The following ST3GAL1 variants were observed in gnomAD, a reference collection of about 807,000 sequenced individuals.
ST3GAL1 encodes ST3 beta-galactoside alpha-2,3-sialyltransferase 1.
ST3GAL1 carries 16 observed loss-of-function variants against 34.1 expected under a neutral mutation model. That is an observed-to-expected ratio of 0.47 (90% CI 0.32 to 0.71). The LOEUF (loss-of-function observed/expected upper bound fraction) is 0.71, where lower values mean the gene tolerates loss of function less well. Ranked by LOEUF, ST3GAL1 falls within the 30% of genes least tolerant of loss-of-function variation. The pLI is 0.04. For synonymous variants in ST3GAL1, 191 were observed against 184.7 expected (o/e 1.03, Z -0.28); for missense variants, 353 against 447.4 (o/e 0.79, Z 1.90).
intron 2 of ST3GAL1, among the ~76,000 whole-genome samples, chr8:133,519,478 A>T (rs1381037986): frequency 6.6e-6 from 1 of 152,238 alleles, no homozygotes; most frequent in Non-Finnish European, 1.5e-5. Flanking sequence ...TATGTATGTT[A>T]AAGGAAGATA....
At chr8:133,544,698 A>T (rs116872602) in intron 2 of ST3GAL1, among the ~76,000 whole-genome samples, 2,592 of 152,288 alleles carry the variant, frequency 0.017, 29 homozygotes, top group Non-Finnish European at 0.025. Context: ...TACTTGCATA[A>T]ATAAAACTAA....
rs116261329 is a variant in ST3GAL1 at position 133,523,453 on chromosome 8, T to A, written c.-429+22321A>T. Reference sequence around the variant, plus strand: ...CCTCAGGCAAGTAACTCAACCTCCCTGTGCCTTCATTTCCTCCTCTGTAAA... The same window carrying A: ...CCTCAGGCAAGTAACTCAACCTCCCAGTGCCTTCATTTCCTCCTCTGTAAA... On this transcript the variant is annotated intron_variant, in intron 2 of 9. Transcript: ENST00000522652. Among the ~76,000 whole-genome samples, 1,190 of 152,294 alleles carry A rather than the reference T, an allele frequency of 7.8e-3. 14 individuals carry two copies. Among genetic ancestry groups the A allele is most frequent in the African/African-American group, 0.026 (1,060 of 41,568 alleles).
At chr8:133,499,959 C>T (rs1715303119) in intron 2 of ST3GAL1, among the ~76,000 whole-genome samples, 1 of 152,168 alleles carries the variant, frequency 6.6e-6, no homozygotes, top group Admixed American at 6.5e-5. Context: ...TTCTAACTGG[C>T]AGGAAACAGA....
chr8:133,492,691 C>T (rs1816820452), intron 3 of ST3GAL1, among the ~76,000 whole-genome samples: 1 of 152,166 alleles, frequency 6.6e-6, no homozygotes, highest in Non-Finnish European at 1.5e-5. Flanking sequence ...CACTGCACTC[C>T]AGCCTGGGTG....
chr8:133,502,425 A>G (rs1586623230), intron 2 of ST3GAL1, among the ~76,000 whole-genome samples: 1 of 102,118 alleles, frequency 9.8e-6, no homozygotes, highest in African/African-American at 3.9e-5. Flanking sequence ...TGATGTCCTT[A>G]TAAAAAAAAA....
Position 133,463,464 on chromosome 8 carries a change from A to C in ST3GAL1, c.684-5T>G, listed in dbSNP as rs753747132. On this transcript the variant is annotated splice_polypyrimidine_tract_variant and splice_region_variant and intron_variant, in intron 7 of 9. Coordinates refer to ENST00000522652, the MANE Select transcript of ST3GAL1 (RefSeq NM_173344.3). ...GCAGGAACCGGGATGTAGGTGCTGC[A>C]GTTGGAGAAAGAGAAGCTGGTTAAT... 6.2e-7 allele frequency: 1 copy of C among 1,613,834 alleles called. No individual in the cohort carries two copies.
At chr8:133,475,342 C>T (rs1489483333) in intron 5 of ST3GAL1, among the ~76,000 whole-genome samples, 2 of 152,232 alleles carry the variant, frequency 1.3e-5, no homozygotes, top group Non-Finnish European at 2.9e-5. Flanking sequence ...TTTCAGACTT[C>T]TGGCCTCCAG....
chr8:133,476,338 C>T lies in ST3GAL1; in HGVS notation c.-111G>A, dbSNP rs1423437969. On this transcript the variant is annotated 5_prime_UTR_variant, in exon 4 of 10. Coordinates refer to ENST00000522652, the MANE Select transcript of ST3GAL1 (RefSeq NM_173344.3). The stretch of plus-strand genomic sequence containing the variant: ...TCCTTAAAGAGCTGATAATGTCTCT[C>T]GATCAAGCTTTAACCAGTGATTTCC... 3 of 241,926 alleles carry T rather than the reference C, an allele frequency of 1.2e-5. No individual in the cohort carries two copies. Among genetic ancestry groups the T allele is most frequent in the Non-Finnish European group, 2.4e-5 (3 of 124,276 alleles). The allele number at this position is 241,926 out of a possible 1,614,324, so 15.0% of individuals were successfully genotyped here.
intron 1 of ST3GAL1, among the ~76,000 whole-genome samples, chr8:133,550,293 A>G (rs1818802134): frequency 6.6e-6 from 1 of 152,204 alleles, no homozygotes; most frequent in South Asian, 2.1e-4. Context: ...GCTTCCAATT[A>G]AGAGCAACAA....
intron 3 of ST3GAL1, among the ~76,000 whole-genome samples, chr8:133,494,183 C>T (rs1449292324): frequency 6.6e-6 from 1 of 152,132 alleles, no homozygotes; most frequent in African/African-American, 2.4e-5. Context: ...TTACAAGACC[C>T]CACAATATGC....
chr8:133,529,174 G>T (rs1818068614), intron 2 of ST3GAL1, among the ~76,000 whole-genome samples: 1 of 152,200 alleles, frequency 6.6e-6, no homozygotes, highest in African/African-American at 2.4e-5. Flanking sequence ...CCCACCAATG[G>T]GACCGGCTTT....
chr8:133,492,507 G>A (rs1816815203), intron 3 of ST3GAL1, among the ~76,000 whole-genome samples: 1 of 152,158 alleles, frequency 6.6e-6, no homozygotes, highest in Admixed American at 6.5e-5. Flanking sequence ...GATCACTTGA[G>A]GTCAGGATTT....
At chr8:133,476,135 G>A (rs1482379351) in intron 4 of ST3GAL1, 61 bp from the exon 5 acceptor site, 1 of 1,255,830 alleles carries the variant, frequency 8.0e-7, no homozygotes, top group East Asian at 2.4e-5. Context: ...AAAAGGGATG[G>A]CAGGAATTCC....
chr8:133,531,667 G>A (rs1818156178), intron 2 of ST3GAL1, among the ~76,000 whole-genome samples: 1 of 152,098 alleles, frequency 6.6e-6, no homozygotes, highest in African/African-American at 2.4e-5. Flanking sequence ...GTCAGGGGGT[G>A]AGGGGAGGGA....
intron 2 of ST3GAL1, among the ~76,000 whole-genome samples, chr8:133,527,760 G>A (rs756117025): frequency 2.0e-4 from 30 of 152,272 alleles, no homozygotes; most frequent in Middle Eastern, 3.4e-3. Flanking sequence ...CTTGCTGGGC[G>A]GTCCCAGACT....
In ST3GAL1 at chr8:133,493,848, G is replaced by GAAAA. The variant is rs57843566; in HGVS notation, c.-374+5283_-374+5286dup. ...GCGACAGAGCAAGACTCTGTATCAG[G>GAAAA]AAAAAAAAAAAAAAAGAGAGAGAGA... On this transcript the variant is annotated intron_variant, in intron 3 of 9. Transcript: ENST00000522652. 9.1e-4 allele frequency among the ~76,000 whole-genome samples: 120 copies of GAAAA among 132,266 alleles called. 4 individuals carry two copies. The East Asian group carries it at 0.02, about 22-fold the overall frequency. The allele number at this position is 132,266 out of a possible 152,430, so 86.8% of individuals were successfully genotyped here. A position where few individuals can be genotyped will look rare whatever the true frequency, so the allele number is the denominator to read the frequency against.
chr8:133,520,821 A>G (rs1304144681), intron 2 of ST3GAL1, among the ~76,000 whole-genome samples: 1 of 149,610 alleles, frequency 6.7e-6, no homozygotes, highest in Non-Finnish European at 1.5e-5. Context: ...GTCCAGGCTA[A>G]AGTGCTATGG....
At chr8:133,511,782 G>A (rs1817505501) in intron 2 of ST3GAL1, among the ~76,000 whole-genome samples, 1 of 152,160 alleles carries the variant, frequency 6.6e-6, no homozygotes, top group Non-Finnish European at 1.5e-5. Context: ...GGCCAGGCAC[G>A]GTGGCTCATG....
intron 2 of ST3GAL1, among the ~76,000 whole-genome samples, chr8:133,536,492 G>A (rs1246855888): frequency 1.3e-5 from 2 of 152,186 alleles, no homozygotes; most frequent in East Asian, 3.9e-4. Flanking sequence ...CTCTTCTTGG[G>A]ACATTGGCAT....
Sources: allele counts gnomAD v4.1 joint callset (sites outside exome capture counted in the v4.1 genomes callset), GRCh38; gene constraint gnomAD v4.1.1; transcripts MANE v1.5; gene names NCBI Gene and HGNC (gene_info 2026-07-23, HGNC 2026-07-21).